ACE: variants seen among roughly 807,000 people sequenced by gnomAD.
The protein encoded by ACE is angiotensin I converting enzyme.
ACE carries 122 observed loss-of-function variants against 162.3 expected under a neutral mutation model. The observed-to-expected ratio is 0.75, with a 90% confidence interval of 0.65 to 0.87. The LOEUF is 0.87. Among genes scored for constraint, ACE ranks in the 40% least tolerant of loss-of-function variants. The pLI, the probability that ACE is intolerant of heterozygous loss-of-function variation, is 0.00. For synonymous variants in ACE, 796 were observed against 720.6 expected (o/e 1.10, Z -1.68); for missense variants, 1,799 against 1,735.1 (o/e 1.04, Z -0.65).
Position 63,477,085 on chromosome 17 carries a change from G to A in ACE, c.-10G>A. On this transcript the variant is annotated 5_prime_UTR_variant, in exon 1 of 25. Coordinates refer to ENST00000290866, the MANE Select transcript of ACE (RefSeq NM_000789.4). ...GAGAAGGGGCAGAGCCGAGCACCGC[G>A]CACCGCGTCATGGGGGCCGCCTCGG... 7.7e-7 allele frequency: 1 copy of A among 1,301,456 alleles called. No individual in the cohort carries two copies. Among genetic ancestry groups the A allele is most frequent in the Non-Finnish European group, 9.7e-7 (1 of 1,032,636 alleles). 80.6% of individuals were successfully genotyped at this position (1,301,456 alleles called of 1,614,324 possible). A position where few individuals can be genotyped will look rare whatever the true frequency, so the allele number is the denominator to read the frequency against.
intron 15 of ACE, among the ~76,000 whole-genome samples, chr17:63,488,192 C>A (rs1599148027): frequency 6.6e-6 from 1 of 152,020 alleles, no homozygotes; most frequent in South Asian, 2.1e-4. Context: ...CCCGTCTCTA[C>A]AAATAAAATA....
At position 63,477,472 on chromosome 17, in the gene ACE, C is replaced by G. The variant is rs181234076; in HGVS notation, c.249+129C>G. On this transcript the variant is annotated intron_variant, in intron 1 of 24. Coordinates refer to ENST00000290866, the MANE Select transcript of ACE (RefSeq NM_000789.4). ...CCACCCCGACCCCGGACCCTCGCCC[C>G]GACAGTCAGCCGCGGGGCCCGAGCG... 238 of 728,088 alleles carry G rather than the reference C, an allele frequency of 3.3e-4. 3 individuals carry two copies. In the East Asian group the frequency reaches 0.013, roughly 40 times the overall value. 45.1% of individuals were successfully genotyped at this position (728,088 alleles called of 1,614,324 possible).
chr17:63,485,699 CG>C, intron 13 of ACE: 1 of 354,592 alleles, frequency 2.8e-6, no homozygotes, highest in Non-Finnish European at 5.4e-6. Flanking sequence ...GGCATGAACC[CG>C]GGAGGCAGAG....
At position 63,484,653 on chromosome 17, in the gene ACE, C is replaced by T. The variant is rs2029863686; in HGVS notation, c.1921+112C>T. ...TACCAGCTGAGCCCTGGTACCCTGT[C>T]CTGGAGGGCCAGGCAGCCCCCCAAG... On this transcript the variant is annotated intron_variant, in intron 12 of 24. Transcript: ENST00000290866. The surrounding 1 kb of genome is among the most constrained non-coding windows in gnomAD (Gnocchi z 4.0). 4.8e-6 allele frequency: 7 copies of T among 1,455,362 alleles called. No homozygotes were observed. Among genetic ancestry groups the T allele is most frequent in the East Asian group, 5.0e-5 (2 of 40,356 alleles). 90.2% of individuals were successfully genotyped at this position (1,455,362 alleles called of 1,614,324 possible). A position where few individuals can be genotyped will look rare whatever the true frequency, so the allele number is the denominator to read the frequency against.
In ACE at chr17:63,479,958, C is replaced by G. The variant is rs377597242; in HGVS notation, c.655+46C>G. Reference sequence around the variant, plus strand: ...CCAGGAACCACGCCAGGTGTCCTCTCTCAGCTGTCTCCCCAGAGTCCCAGC... The same window carrying G: ...CCAGGAACCACGCCAGGTGTCCTCTGTCAGCTGTCTCCCCAGAGTCCCAGC... On this transcript the variant is annotated intron_variant, in intron 4 of 24. Coordinates refer to ENST00000290866, the MANE Select transcript of ACE (RefSeq NM_000789.4). 22 of 1,572,508 alleles carry G rather than the reference C, an allele frequency of 1.4e-5. No individual in the cohort carries two copies. In the Middle Eastern group the frequency reaches 9.3e-4, roughly 66 times the overall value.
At position 63,497,367 on chromosome 17, in the gene ACE, G is replaced by A. The variant is rs1203824874; in HGVS notation, c.*1G>A. On this transcript the variant is annotated 3_prime_UTR_variant, in exon 25 of 25. Transcript: ENST00000290866. ...CGAGGTGGAGCTGAGACACTCCTGA[G>A]GTGACCCGGCTGGGTCGGCCCTGCC... is the stretch of plus-strand genomic sequence containing the variant. 4.5e-6 allele frequency: 7 copies of A among 1,548,276 alleles called. No homozygotes were observed. The highest frequency in any genetic ancestry group is 6.1e-6 in the Non-Finnish European group (7 of 1,146,786).
chr17:63,482,007 G>T (rs1252273781), intron 7 of ACE, among the ~76,000 whole-genome samples: 1 of 152,166 alleles, frequency 6.6e-6, no homozygotes, highest in Non-Finnish European at 1.5e-5. Context: ...TAAAGAATTT[G>T]CTTGTTTCTG....
rs576744905 is a variant in ACE at position 63,477,356 on chromosome 17, G to A, written c.249+13G>A. The stretch of plus-strand genomic sequence containing the variant: ...TGCAAGGCGCCAGGTGGGCGCCCGG[G>A]CCCGGGCGGGGGCGGGGCGGGGCCG... On this transcript the variant is annotated intron_variant, in intron 1 of 24. Coordinates refer to ENST00000290866, the MANE Select transcript of ACE (RefSeq NM_000789.4). 6 of 1,278,848 alleles carry A rather than the reference G, an allele frequency of 4.7e-6. No homozygotes were observed. Among genetic ancestry groups the A allele is most frequent in the Non-Finnish European group, 5.0e-6 (5 of 1,006,210 alleles). The allele number at this position is 1,278,848 out of a possible 1,614,324, so 79.2% of individuals were successfully genotyped here. A position where few individuals can be genotyped will look rare whatever the true frequency, so the allele number is the denominator to read the frequency against.
In ACE at chr17:63,497,767, C is replaced by A. The variant is rs1568050301; in HGVS notation, c.*401C>A. The A allele has an allele frequency of 2.6e-6, 1 of 388,574 alleles. No individual in the cohort carries two copies. 24.1% of individuals were successfully genotyped at this position (388,574 alleles called of 1,614,324 possible). ...GGATCCCCAGAGCTCTGCCCCAGCACCTCCTGGCGCTGGCGCCTGTCTTCC... is the reference window on the plus strand; with the variant it reads ...GGATCCCCAGAGCTCTGCCCCAGCAACTCCTGGCGCTGGCGCCTGTCTTCC... On this transcript the variant is annotated 3_prime_UTR_variant, in exon 25 of 25. Coordinates refer to ENST00000290866, the MANE Select transcript of ACE (RefSeq NM_000789.4).
chr17:63,493,436 GA>G lies in ACE; in HGVS notation c.2914del (p.Ile972SerfsTer7). The G allele has an allele frequency of 6.2e-7, 1 of 1,614,008 alleles. No homozygotes were observed. The highest frequency in any genetic ancestry group is 8.5e-7 in the Non-Finnish European group (1 of 1,179,994). ...WDFYNGKDFRIKQCTTVNLED... is the reference protein window; with the variant it reads ...WDFYNGKDFRXKQCTTVNLED... ...CTCTCCCCCACTCCACTATTCCTAG[GA>G]TCAAGCAGTGCACCACCGTGAACTT... On this transcript the variant is annotated frameshift_variant and splice_region_variant, in exon 20 of 25. Coordinates refer to ENST00000290866, the MANE Select transcript of ACE (RefSeq NM_000789.4). LOFTEE classifies it high-confidence loss of function.
At chr17:63,485,563 G>A (rs2029882320) in intron 13 of ACE, 191 bp downstream of exon 13, 2 of 720,252 alleles carry the variant, frequency 2.8e-6, no homozygotes, top group Non-Finnish European at 4.7e-6. Context: ...GGCGGATCAC[G>A]AGGTCAGATC....
rs900084108 is a variant in ACE, at chr17:63,477,126, G to GGCT, written c.41_43dup (p.Leu14dup). 2.9e-6 allele frequency: 4 copies of GGCT among 1,402,100 alleles called. No homozygotes were observed. The African/African-American group carries it at 4.5e-5, about 16-fold the overall frequency. The allele number at this position is 1,402,100 out of a possible 1,614,324, so 86.9% of individuals were successfully genotyped here. On this transcript the variant is annotated inframe_insertion, in exon 1 of 25. Coordinates refer to ENST00000290866, the MANE Select transcript of ACE (RefSeq NM_000789.4). Reference sequence around the variant, plus strand: ...GCCGCCTCGGGCCGCCGGGGGCCGGGGCTGCTGCTGCCGCTGCCGCTGCTG... The same window carrying GGCT: ...GCCGCCTCGGGCCGCCGGGGGCCGGGGCTGCTGCTGCTGCCGCTGCCGCTGCTG...
intron 15 of ACE, among the ~76,000 whole-genome samples, chr17:63,488,263 A>G (rs2030100486): frequency 6.7e-6 from 1 of 149,460 alleles, no homozygotes; most frequent in Non-Finnish European, 1.5e-5. Flanking sequence ...GGAGGCTGAG[A>G]TGGAAGGATT....
At chr17:63,481,000 G>T (rs539935890) in intron 5 of ACE, 91 bp from the exon 6 acceptor site, 329 of 1,298,308 alleles carry the variant, frequency 2.5e-4, no homozygotes, top group Non-Finnish European at 3.4e-4. Context: ...CCAGGGTACA[G>T]GTGCCGGCCC....
intron 24 of ACE, 52 bp from the exon 25 acceptor site, chr17:63,497,085 T>TTGCCC (rs200695691): frequency 3.4e-4 from 525 of 1,562,518 alleles, no homozygotes; most frequent in South Asian, 1.1e-3. Context: ...CCCCGCACCC[T>TTGCCC]TGCCCTGCCC....
In ACE at chr17:63,487,082, T is replaced by A. The variant is rs370813674; in HGVS notation, c.2305+9T>A. The A allele has an allele frequency of 1.8e-5, 29 of 1,612,508 alleles. No homozygotes were observed. In the African/African-American group the frequency reaches 2.3e-4, roughly 13 times the overall value. On this transcript the variant is annotated intron_variant, in intron 15 of 24. Coordinates refer to ENST00000290866, the MANE Select transcript of ACE (RefSeq NM_000789.4). ...CCTGCAGCTCGAGCCAGGTGAGAGC[T>A]CATGTGCAGGCTGAGTGAGAGGCGA...
Position 63,479,012 on chromosome 17 carries a change from C to T in ACE, c.423C>T (p.Asn141=), listed in dbSNP as rs746469812. Reference sequence around the variant, plus strand: ...CCTCCCCTCTGACTCCCCAGTACAACGCCCTGCTAAGCAACATGAGCAGGA... The same window carrying T: ...CCTCCCCTCTGACTCCCCAGTACAATGCCCTGCTAAGCAACATGAGCAGGA... ...NLPLAKRQQY[N]ALLSNMSRIY... Residue 141 remains asparagine (N), a synonymous_variant, in exon 3 of 25, where the codon AAC becomes AAT. Transcript: ENST00000290866. The T allele has an allele frequency of 6.2e-6, 10 of 1,613,444 alleles. No individual in the cohort carries two copies. In the South Asian group the frequency reaches 6.6e-5, roughly 11 times the overall value.
At chr17:63,495,374 GA>G (rs2030664165) in intron 22 of ACE, among the ~76,000 whole-genome samples, 2 of 152,324 alleles carry the variant, frequency 1.3e-5, no homozygotes, top group Non-Finnish European at 2.9e-5. Flanking sequence ...GCCACCCCCA[GA>G]GGGCTGTGGC....
At chr17:63,480,988 C>A in intron 5 of ACE, 103 bp from the exon 6 acceptor site, 2 of 1,140,120 alleles carry the variant, frequency 1.8e-6, no homozygotes, top group Non-Finnish European at 2.7e-6. Context: ...CCCTTGAGGG[C>A]CCCAGGGTAC....
Sources: gnomAD v4.1 joint callset for allele counts (sites outside exome capture counted in the v4.1 genomes callset) on GRCh38, gnomAD v4.1.1 for gene constraint, Gnocchi (gnomAD v3.1) non-coding constraint, MANE v1.5 for transcripts, NCBI Gene and HGNC (gene_info 2026-07-23, HGNC 2026-07-21) for gene names.